Variants in CCND3 observed in about 807,000 individuals in gnomAD.
CCND3 encodes the protein cyclin D3.
Under a neutral mutation model 28.7 loss-of-function variants are expected in CCND3, and 9 were observed. That is an observed-to-expected ratio of 0.31 (90% CI 0.19 to 0.55). CCND3 has a LOEUF of 0.55. CCND3 is among the 20% of genes least tolerant of loss of function. CCND3 has a pLI of 0.93. For synonymous variants in CCND3, 164 were observed against 163.9 expected (o/e 1.00, Z 0.00); for missense variants, 315 against 385.8 (o/e 0.82, Z 1.54).
At chr6:41,948,614 A>G (rs1025467717) in intron 1 of CCND3, among the ~76,000 whole-genome samples, 26 of 151,886 alleles carry the variant, frequency 1.7e-4, no homozygotes, top group African/African-American at 5.6e-4. Context: ...CGAGGCAGGC[A>G]GATCACTAGG....
chr6:41,972,893 A>T lies in CCND3; in HGVS notation c.-45-32308T>A, dbSNP rs918772516. Reference sequence around the variant, plus strand: ...TATATATATATATTTAAAAATTAAAAATATATATATATATGACTGAGTTGG... The same window carrying T: ...TATATATATATATTTAAAAATTAAATATATATATATATATGACTGAGTTGG... On this transcript the variant is annotated intron_variant, in intron 1 of 4. Transcript: ENST00000372988. Among the ~76,000 whole-genome samples the T allele has an allele frequency of 8.7e-5, 13 of 149,844 alleles. No homozygotes were observed. In the East Asian group the frequency reaches 1.2e-3, roughly 13 times the overall value.
intron 1 of CCND3, among the ~76,000 whole-genome samples, chr6:41,973,773 T>C (rs1762095540): frequency 6.6e-6 from 1 of 152,254 alleles, no homozygotes; most frequent in Non-Finnish European, 1.5e-5. Context: ...TGTACAATCA[T>C]GGACAGTTAA....
chr6:41,993,694 G>T (rs1170711438), intron 1 of CCND3, among the ~76,000 whole-genome samples: 3 of 151,722 alleles, frequency 2.0e-5, no homozygotes, highest in African/African-American at 7.3e-5. Context: ...TGGGTGCAGT[G>T]GTTCACTATC....
At chr6:42,024,295 T>TGGGA (rs1763801346) in intron 1 of CCND3, among the ~76,000 whole-genome samples, 1 of 151,318 alleles carries the variant, frequency 6.6e-6, no homozygotes, top group Admixed American at 6.6e-5. Flanking sequence ...CTCAGCTACT[T>TGGGA]GGGAGGCTAA....
intron 1 of CCND3, among the ~76,000 whole-genome samples, chr6:41,973,124 TG>T (rs1762079838): frequency 6.6e-6 from 1 of 152,124 alleles, no homozygotes; most frequent in African/African-American, 2.4e-5. Flanking sequence ...ATTTCTGAAA[TG>T]CATCCCCAAA....
chr6:41,949,013 C>A (rs1776239289), intron 1 of CCND3, among the ~76,000 whole-genome samples: 1 of 152,060 alleles, frequency 6.6e-6, no homozygotes, highest in Non-Finnish European at 1.5e-5. Flanking sequence ...TTTGCTACAC[C>A]ATAGTAATGA....
chr6:42,030,684 G>A lies in CCND3; in HGVS notation c.-46+17817C>T, dbSNP rs568536821. On this transcript the variant is annotated intron_variant, in intron 1 of 4. Transcript: ENST00000372988. ...TTGTGTTCCCAGGCCTTCCTGGAGC[G>A]GCCCAGGGGAGAGTCTGAGGGTGGC... Among the ~76,000 whole-genome samples, 17 of 152,300 alleles carry A rather than the reference G, an allele frequency of 1.1e-4. No homozygotes were observed. The East Asian group carries it at 1.5e-3, about 14-fold the overall frequency.
Position 41,936,142 on chromosome 6 carries a change from T to TC in CCND3, c.712-36dup, listed in dbSNP as rs1435029220. Reference sequence around the variant, plus strand: ...TGGGAGAAGAGTGAGGAGCAAACACTCCCCCCATAGCATCTGGCAGCAGGT... The same window carrying TC: ...TGGGAGAAGAGTGAGGAGCAAACACTCCCCCCCATAGCATCTGGCAGCAGGT... On this transcript the variant is annotated intron_variant, in intron 4 of 4. Coordinates refer to ENST00000372991, the MANE Select transcript of CCND3 (RefSeq NM_001760.5). The surrounding 1 kb of genome is among the most constrained non-coding windows in gnomAD (Gnocchi z 4.4). 2 of 1,531,860 alleles carry TC rather than the reference T, an allele frequency of 1.3e-6. No individual in the cohort carries two copies. Among genetic ancestry groups the TC allele is most frequent in the South Asian group, 1.3e-5 (1 of 79,330 alleles). 94.9% of individuals were successfully genotyped at this position (1,531,860 alleles called of 1,614,324 possible). A position where few individuals can be genotyped will look rare whatever the true frequency, so the allele number is the denominator to read the frequency against.
At chr6:42,044,823 CTG>C (rs1449457154) in intron 1 of CCND3, among the ~76,000 whole-genome samples, 1 of 127,094 alleles carries the variant, frequency 7.9e-6, no homozygotes, top group Non-Finnish European at 1.7e-5. Context: ...GAGTCTCACT[CTG>C]TTGCCCAGGC....
chr6:42,004,655 G>C (rs747665611), intron 1 of CCND3, among the ~76,000 whole-genome samples: 1 of 152,070 alleles, frequency 6.6e-6, no homozygotes, highest in Non-Finnish European at 1.5e-5. Flanking sequence ...GCTTGAACCC[G>C]GGAGGCAGAA....
At chr6:41,955,651 C>CAA (rs35334493) in intron 1 of CCND3, among the ~76,000 whole-genome samples, 6,046 of 113,428 alleles carry the variant, frequency 0.053, 240 homozygotes, top group African/African-American at 0.13. Context: ...CCTATCTCTA[C>CAA]AAAAAAAAAA....
intron 1 of CCND3, among the ~76,000 whole-genome samples, chr6:41,949,061 T>G (rs1776240435): frequency 6.6e-6 from 1 of 151,674 alleles, no homozygotes; most frequent in South Asian, 2.1e-4. Context: ...AAGATAATAT[T>G]TCTTAGATCG....
intron 1 of CCND3, among the ~76,000 whole-genome samples, chr6:41,977,339 G>A (rs1582125433): frequency 6.6e-6 from 1 of 152,234 alleles, no homozygotes; most frequent in East Asian, 1.9e-4. Context: ...CCAAACCGTT[G>A]AGGAAGGCTC....
intron 1 of CCND3, among the ~76,000 whole-genome samples, chr6:41,979,089 T>G (rs1244477476): frequency 7.0e-6 from 1 of 142,058 alleles, no homozygotes; most frequent in African/African-American, 2.6e-5. Flanking sequence ...GAGAATCGCT[T>G]GAACCCAGGA....
At chr6:41,996,728 A>G (rs9381113) in intron 1 of CCND3, among the ~76,000 whole-genome samples, 147,887 of 150,772 alleles carry the variant, frequency 0.98, 72,584 homozygotes, top group East Asian at 1. Context: ...GCAGTGGCAC[A>G]ATCTCGGCTC....
chr6:41,959,015 T>C (rs1330840209), intron 1 of CCND3, among the ~76,000 whole-genome samples: 6 of 152,198 alleles, frequency 3.9e-5, no homozygotes, highest in African/African-American at 1.4e-4. Flanking sequence ...AAAACTTGTA[T>C]ACAAATGTCA....
chr6:41,958,208 G>C (rs1357096589), intron 1 of CCND3, among the ~76,000 whole-genome samples: 1 of 151,846 alleles, frequency 6.6e-6, no homozygotes, highest in Non-Finnish European at 1.5e-5. Flanking sequence ...TGTTGGCCAG[G>C]CTGGTCTTGA....
At chr6:42,005,226 A>C (rs997160148) in intron 1 of CCND3, among the ~76,000 whole-genome samples, 8 of 152,150 alleles carry the variant, frequency 5.3e-5, no homozygotes, top group East Asian at 1.9e-4. Flanking sequence ...TTATCCCAGA[A>C]ATGCAAAGAA....
intron 1 of CCND3, among the ~76,000 whole-genome samples, chr6:42,028,971 G>C (rs925219690): frequency 0.025 from 3,437 of 137,776 alleles, 141 homozygotes; most frequent in African/African-American, 0.086. Context: ...CCTTGAAACG[G>C]TTTTTTTTTT....
Sources: allele counts gnomAD v4.1 joint callset (sites outside exome capture counted in the v4.1 genomes callset), GRCh38; gene constraint gnomAD v4.1.1; non-coding constraint Gnocchi (gnomAD v3.1); transcripts MANE v1.5; gene names NCBI Gene and HGNC (gene_info 2026-07-23, HGNC 2026-07-21).